The following ARHGAP24 variants were observed in gnomAD, a reference collection of about 807,000 sequenced individuals.
ARHGAP24 encodes Rho GTPase activating protein 24.
In ARHGAP24, 50 loss-of-function variants were observed where a neutral mutation model predicts 76.4. That is an observed-to-expected ratio of 0.65 (90% CI 0.52 to 0.83). The LOEUF (loss-of-function observed/expected upper bound fraction) is 0.83. Ranked by LOEUF, ARHGAP24 falls within the 40% of genes least tolerant of loss-of-function variation. ARHGAP24 has a pLI of 0.00. For missense variants in ARHGAP24, 930 were observed against 914.2 expected, an observed-to-expected ratio of 1.02 and a Z score of -0.22; for synonymous variants, 345 against 323.3, an observed-to-expected ratio of 1.07 and a Z score of -0.72.
At chr4:85,784,736 C>A (rs1225886570) in intron 3 of ARHGAP24, among the ~76,000 whole-genome samples, 1 of 152,026 alleles carries the variant, frequency 6.6e-6, no homozygotes, top group Non-Finnish European at 1.5e-5. Context: ...CAACCAGGTG[C>A]CAATTAGAAT....
At chr4:85,690,758 G>GTTTTTTTTTTTTTT in intron 2 of ARHGAP24, among the ~76,000 whole-genome samples, 1 of 130,758 alleles carries the variant, frequency 7.6e-6, no homozygotes, top group Non-Finnish European at 1.7e-5. Context: ...TGTCAATCTT[G>GTTTTTTTTTTTTTT]TTTTTTTTTT....
chr4:85,942,020 G>T (rs372830272), intron 4 of ARHGAP24, 46 bp from the exon 5 acceptor site: 7 of 1,578,548 alleles, frequency 4.4e-6, no homozygotes, highest in Non-Finnish European at 5.2e-6. Context: ...CAACAAAGTG[G>T]GAAGAGATAA....
intron 7 of ARHGAP24, among the ~76,000 whole-genome samples, chr4:85,976,328 C>T (rs1739322773): frequency 6.6e-6 from 1 of 152,106 alleles, no homozygotes; most frequent in Non-Finnish European, 1.5e-5. Flanking sequence ...GTTAAGTGTA[C>T]GGCCTCTGGT....
At chr4:85,519,252 G>C (rs1015106113) in intron 1 of ARHGAP24, among the ~76,000 whole-genome samples, 1 of 152,084 alleles carries the variant, frequency 6.6e-6, no homozygotes, top group Non-Finnish European at 1.5e-5. Flanking sequence ...CCACACATTA[G>C]TAGGTGCTGA....
At chr4:85,753,146 G>A (rs548964406) in intron 3 of ARHGAP24, among the ~76,000 whole-genome samples, 39 of 152,282 alleles carry the variant, frequency 2.6e-4, no homozygotes, top group Non-Finnish European at 5.7e-4. Context: ...GAAAGAATGT[G>A]TCTTTTTGAA....
chr4:85,768,634 C>T (rs150247877), intron 3 of ARHGAP24, among the ~76,000 whole-genome samples: 29 of 152,028 alleles, frequency 1.9e-4, no homozygotes, highest in African/African-American at 6.3e-4. Context: ...AAAAATTAGC[C>T]GGGTGTGGTG....
chr4:85,974,769 A>C, intron 6 of ARHGAP24, 119 bp from the exon 7 acceptor site: 1 of 848,012 alleles, frequency 1.2e-6, no homozygotes, highest in Non-Finnish European at 1.9e-6. Context: ...TCGGGACAAG[A>C]TCTTTCACTG....
chr4:85,492,701 A>AT (rs919660630), intron 1 of ARHGAP24, among the ~76,000 whole-genome samples: 1 of 152,190 alleles, frequency 6.6e-6, no homozygotes, highest in African/African-American at 2.4e-5. Context: ...TCTATATTTT[A>AT]TTTTTTTAAC....
chr4:85,545,199 A>C (rs1189922199), intron 1 of ARHGAP24, among the ~76,000 whole-genome samples: 3 of 151,996 alleles, frequency 2.0e-5, no homozygotes, highest in African/African-American at 4.8e-5. Context: ...TCGTGGGTTC[A>C]AGCGATTCTC....
chr4:85,557,366 A>G (rs1174934446), intron 1 of ARHGAP24, among the ~76,000 whole-genome samples: 3 of 152,162 alleles, frequency 2.0e-5, no homozygotes, highest in Non-Finnish European at 1.5e-5. Context: ...CCAGGACTCC[A>G]TGTGTGCTTG....
At chr4:85,737,324 A>G (rs1057360021) in intron 3 of ARHGAP24, among the ~76,000 whole-genome samples, 9 of 152,126 alleles carry the variant, frequency 5.9e-5, no homozygotes, top group African/African-American at 1.9e-4. Flanking sequence ...TTTGAGATGA[A>G]TATCTCCTGT....
chr4:85,995,268 G>T lies in ARHGAP24; in HGVS notation c.1614G>T (p.Gln538His). ...RLSTYDNVHQQFSMMNLDDKQ... is the reference protein window; with the variant it reads ...RLSTYDNVHQHFSMMNLDDKQ... The stretch of plus-strand genomic sequence containing the variant: ...CCACCTATGATAATGTCCATCAACA[G>T]TTCTCCATGATGAACCTTGATGACA... The change falls in exon 9 of 10, where the codon CAG becomes CAT. Residue 538 changes from glutamine (Q) to histidine (H), a missense_variant. Coordinates refer to ENST00000395184, the MANE Select transcript of ARHGAP24 (RefSeq NM_001025616.3). 2 of 1,614,024 alleles carry T rather than the reference G, an allele frequency of 1.2e-6. No individual in the cohort carries two copies. The highest frequency in any genetic ancestry group is 1.7e-6 in the Non-Finnish European group (2 of 1,180,024).
At position 85,709,149 on chromosome 4, in the gene ARHGAP24, A is replaced by G. The variant is rs995679144; in HGVS notation, c.181-12736A>G. Among the ~76,000 whole-genome samples, 6 of 152,224 alleles carry G rather than the reference A, an allele frequency of 3.9e-5. No individual in the cohort carries two copies. The East Asian group carries it at 1.2e-3, about 29-fold the overall frequency. On this transcript the variant is annotated intron_variant, in intron 2 of 9. Transcript: ENST00000395184. ...GAAAGCATGGCATTCTAGGGCTACA[A>G]TCCCTGAGCACTACCCTTCTGCCTT...
At chr4:85,951,160 G>C (rs1258107715) in intron 5 of ARHGAP24, among the ~76,000 whole-genome samples, 2 of 151,934 alleles carry the variant, frequency 1.3e-5, no homozygotes, top group Non-Finnish European at 2.9e-5. Context: ...GCAAAATCCT[G>C]GATTCTGCTG....
At chr4:85,763,175 A>C (rs1726798085) in intron 3 of ARHGAP24, among the ~76,000 whole-genome samples, 1 of 152,218 alleles carries the variant, frequency 6.6e-6, no homozygotes, top group South Asian at 2.1e-4. Context: ...TTTAACTCTG[A>C]AAAAGCATGA....
At chr4:85,480,844 T>C (rs1316449886) in intron 1 of ARHGAP24, among the ~76,000 whole-genome samples, 3 of 152,152 alleles carry the variant, frequency 2.0e-5, no homozygotes, top group Non-Finnish European at 4.4e-5. Flanking sequence ...AGAATTCCCT[T>C]AGGGATGTCG....
chr4:85,497,539 C>T lies in ARHGAP24; in HGVS notation c.-21+21980C>T, dbSNP rs938363492. ...TATGCTAAATTAAGAAATGCAGCAC[C>T]GGCCAGGCACAGTGGCTCATGCCTG... On this transcript the variant is annotated intron_variant, in intron 1 of 9. Transcript: ENST00000395184. 4.6e-5 allele frequency among the ~76,000 whole-genome samples: 7 copies of T among 152,034 alleles called. No homozygotes were observed. The East Asian group carries it at 5.8e-4, about 13-fold the overall frequency.
At chr4:85,536,570 T>C (rs1482848008) in intron 1 of ARHGAP24, among the ~76,000 whole-genome samples, 1 of 152,118 alleles carries the variant, frequency 6.6e-6, no homozygotes, top group Admixed American at 6.6e-5. Context: ...TAAATGGCTG[T>C]TGGAGTGATT....
chr4:85,997,371 TATAGATAGATAGATAG>T (rs70948774), intron 9 of ARHGAP24, among the ~76,000 whole-genome samples: 51,256 of 147,446 alleles, frequency 0.35, 9,579 homozygotes, highest in Non-Finnish European at 0.42. Context: ...AGATGATAGA[TATAGATAGATAGATAG>T]ATAGATAGAT....
Sources: allele counts gnomAD v4.1 joint callset (sites outside exome capture counted in the v4.1 genomes callset), GRCh38; gene constraint gnomAD v4.1.1; transcripts MANE v1.5; gene names NCBI Gene and HGNC (gene_info 2026-07-23, HGNC 2026-07-21).